The following PPFIBP1 variants were observed in gnomAD, a reference collection of about 807,000 sequenced individuals.
The protein encoded by PPFIBP1 is PPFIB scaffold protein 1, also known as liprin-beta-1.
Under a neutral mutation model 137.8 loss-of-function variants are expected in PPFIBP1, and 112 were observed. The ratio of observed to expected loss-of-function variants is 0.81; its 90% CI spans 0.70 to 0.95. The LOEUF (loss-of-function observed/expected upper bound fraction) is 0.95, where lower values mean the gene tolerates loss of function less well. PPFIBP1 is among the 40% of genes least tolerant of loss of function. The probability of loss-of-function intolerance (pLI) is 0.00; values close to 1 mark genes in which losing one functional copy is unlikely to be tolerated. For synonymous variants in PPFIBP1, 378 were observed against 417.3 expected (o/e 0.91, Z 1.15); for missense variants, 1,083 against 1,196.6 (o/e 0.91, Z 1.40).
At chr12:27,538,734 A>T (rs1432499727) in intron 1 of PPFIBP1, among the ~76,000 whole-genome samples, 2 of 152,192 alleles carry the variant, frequency 1.3e-5, no homozygotes, top group African/African-American at 4.8e-5. Context: ...CCAGCTAGAA[A>T]ATGCAGTATT....
chr12:27,657,166 A>T (rs2059254091), intron 9 of PPFIBP1: 3 of 152,896 alleles, frequency 2.0e-5, no homozygotes, highest in Non-Finnish European at 4.4e-5. Flanking sequence ...TCTTTGGAAA[A>T]ATTAGTAAAA....
chr12:27,639,391 G>A (rs2057938817), intron 4 of PPFIBP1, among the ~76,000 whole-genome samples: 1 of 152,180 alleles, frequency 6.6e-6, no homozygotes, highest in African/African-American at 2.4e-5. Flanking sequence ...TTTGAGTTAA[G>A]CAAGTAGTTA....
chr12:27,546,027 C>T (rs994360976), intron 1 of PPFIBP1, among the ~76,000 whole-genome samples: 2 of 152,156 alleles, frequency 1.3e-5, no homozygotes, highest in Non-Finnish European at 2.9e-5. Flanking sequence ...CAACCTTTGA[C>T]GGTGATCTGC....
chr12:27,645,965 C>T lies in PPFIBP1; in HGVS notation c.271-97C>T, dbSNP rs1013482832. ...CAGTGACAGCTGTGCAGATTCAATT[C>T]AGGCCCCTTGGACTAAGAACACTTG... On this transcript the variant is annotated intron_variant, in intron 4 of 29. Coordinates refer to ENST00000228425, the MANE Select transcript of PPFIBP1 (RefSeq NM_003622.4). The T allele has an allele frequency of 3.4e-6, 3 of 871,280 alleles. No homozygotes were observed. In the African/African-American group the frequency reaches 5.1e-5, roughly 15 times the overall value. 54.0% of individuals were successfully genotyped at this position (871,280 alleles called of 1,614,324 possible).
chr12:27,610,718 C>T (rs534921638), intron 2 of PPFIBP1, among the ~76,000 whole-genome samples: 1 of 152,284 alleles, frequency 6.6e-6, no homozygotes, highest in African/African-American at 2.4e-5. Flanking sequence ...ATGTGTATAT[C>T]ATATATCTGT....
intron 1 of PPFIBP1, among the ~76,000 whole-genome samples, chr12:27,571,910 G>A (rs948293498): frequency 1.6e-4 from 25 of 152,052 alleles, no homozygotes; most frequent in African/African-American, 5.1e-4. Flanking sequence ...TGAGAGTGGC[G>A]CAGTCATTTC....
At chr12:27,678,631 G>A (rs2052674) in intron 19 of PPFIBP1, among the ~76,000 whole-genome samples, 67,796 of 151,724 alleles carry the variant, frequency 0.45, 15,156 homozygotes, top group Middle Eastern at 0.51. Flanking sequence ...AGGCCGAGGT[G>A]GGTGGATCAC....
chr12:27,597,191 A>G (rs2053416414), intron 2 of PPFIBP1, among the ~76,000 whole-genome samples: 1 of 152,210 alleles, frequency 6.6e-6, no homozygotes, highest in African/African-American at 2.4e-5. Flanking sequence ...TTTTTGAGAC[A>G]GAGTCTCGTT....
intron 2 of PPFIBP1, among the ~76,000 whole-genome samples, chr12:27,585,726 G>T (rs11049057): frequency 0.31 from 47,757 of 152,094 alleles, 9,314 homozygotes; most frequent in Non-Finnish European, 0.44. Context: ...ATTCCAACCT[G>T]CTCTGTTCTA....
intron 2 of PPFIBP1, among the ~76,000 whole-genome samples, chr12:27,601,900 T>A (rs563341715): frequency 2.8e-4 from 42 of 152,354 alleles, no homozygotes; most frequent in South Asian, 2.1e-3. Context: ...GGATGGCCAG[T>A]AGCCACATGT....
Position 27,681,659 on chromosome 12 carries a change from A to G in PPFIBP1, c.2009A>G (p.Gln670Arg). Residue 670 changes from glutamine to arginine, a missense_variant, in exon 22 of 30, where the codon CAA becomes CGA. Coordinates refer to ENST00000228425, the MANE Select transcript of PPFIBP1 (RefSeq NM_003622.4). ...NSGKHWIASG[Q>R]TLLQASQQDL... is the part of the protein sequence containing the mutation. ...GGCAAGCACTGGATTGCATCTGGCCAAACGCTTTTGCAGGCTTCTCAACAA... is the reference window on the plus strand; with the variant it reads ...GGCAAGCACTGGATTGCATCTGGCCGAACGCTTTTGCAGGCTTCTCAACAA... 1 of 1,614,186 alleles carries G rather than the reference A, an allele frequency of 6.2e-7. No homozygotes were observed. The highest frequency in any genetic ancestry group is 1.1e-5 in the South Asian group (1 of 91,082).
intron 13 of PPFIBP1, among the ~76,000 whole-genome samples, chr12:27,671,044 C>G (rs2060164254): frequency 6.6e-6 from 1 of 151,888 alleles, no homozygotes; most frequent in African/African-American, 2.4e-5. Context: ...TGGCACACGT[C>G]TATAACCTTA....
intron 8 of PPFIBP1, chr12:27,655,031 C>G (rs1164294709): frequency 9.6e-7 from 1 of 1,036,948 alleles, no homozygotes; most frequent in African/African-American, 1.6e-5. Flanking sequence ...CATAACCTGC[C>G]CTTTCTCTGA....
chr12:27,614,290 G>C (rs1001499477), intron 2 of PPFIBP1, among the ~76,000 whole-genome samples: 40 of 152,270 alleles, frequency 2.6e-4, no homozygotes, highest in African/African-American at 8.7e-4. Flanking sequence ...GAGGCAGGAA[G>C]ATCACTTAAG....
At chr12:27,594,013 G>A in intron 2 of PPFIBP1, 20 of 1,342,560 alleles carry the variant, frequency 1.5e-5, no homozygotes, top group South Asian at 2.7e-5. Flanking sequence ...CGTCCTCTAT[G>A]TCGCTGTTAG....
chr12:27,690,379 A>G (rs555482458), intron 27 of PPFIBP1, among the ~76,000 whole-genome samples: 85 of 152,356 alleles, frequency 5.6e-4, no homozygotes, highest in African/African-American at 2.0e-3. Flanking sequence ...ATGCACCCAG[A>G]TAGCTCAGTC....
At chr12:27,585,262 A>G (rs903083946) in intron 2 of PPFIBP1, among the ~76,000 whole-genome samples, 8 of 152,248 alleles carry the variant, frequency 5.3e-5, no homozygotes, top group Non-Finnish European at 1.0e-4. Flanking sequence ...ACTTTGTACT[A>G]TAAGTCTGTA....
At chr12:27,661,121 G>A (rs534536263) in intron 11 of PPFIBP1, among the ~76,000 whole-genome samples, 176 bp downstream of exon 11, 4 of 152,334 alleles carry the variant, frequency 2.6e-5, no homozygotes, top group African/African-American at 9.6e-5. Flanking sequence ...GGGAGGAGCT[G>A]CACTGGCTCC....
At chr12:27,593,764 C>T in intron 2 of PPFIBP1, 1 of 753,746 alleles carries the variant, frequency 1.3e-6, no homozygotes, top group Non-Finnish European at 2.1e-6. Context: ...ACGTCCATGT[C>T]CCAGGCCAGG....
Sources: allele counts gnomAD v4.1 joint callset (sites outside exome capture counted in the v4.1 genomes callset), GRCh38; gene constraint gnomAD v4.1.1; transcripts MANE v1.5; gene names NCBI Gene and HGNC (gene_info 2026-07-23, HGNC 2026-07-21).